The following MEF2C variants were observed in gnomAD, a reference collection of about 807,000 sequenced individuals.
MEF2C encodes myocyte enhancer factor 2C, also known as myocyte-specific enhancer factor 2C.
In MEF2C, 6 loss-of-function variants were observed where a neutral mutation model predicts 50.5. The observed-to-expected ratio is 0.12, with a 90% CI of 0.07 to 0.23. MEF2C has a LOEUF of 0.23. Ranked by LOEUF, MEF2C falls within the 10% of genes least tolerant of loss-of-function variation. The probability of loss-of-function intolerance (pLI) is 1.00; values close to 1 mark genes in which losing one functional copy is unlikely to be tolerated. For missense variants in MEF2C, 276 were observed against 605.0 expected (o/e 0.46, Z 5.70); for synonymous variants, 183 against 228.0 (o/e 0.80, Z 1.78).
rs1401870964 is a variant in MEF2C, at chr5:88,757,311, A to T, written c.402+3874T>A. Among the ~76,000 whole-genome samples, 5 of 152,150 alleles carry T rather than the reference A, an allele frequency of 3.3e-5. No individual in the cohort carries two copies. The East Asian group carries it at 9.6e-4, about 29-fold the overall frequency. Reference sequence around the variant, plus strand: ...ATTTTTAGTTAATGGGCCCTCTTTTATTTAATGTGAGTGATTGAACTGAAT... The same window carrying T: ...ATTTTTAGTTAATGGGCCCTCTTTTTTTTAATGTGAGTGATTGAACTGAAT... On this transcript the variant is annotated intron_variant, in intron 4 of 10. Coordinates refer to ENST00000504921, the MANE Select transcript of MEF2C (RefSeq NM_002397.5).
At chr5:88,761,467 G>A (rs1315413667) in intron 3 of MEF2C, 139 bp from the exon 4 acceptor site, 2 of 1,023,948 alleles carry the variant, frequency 2.0e-6, no homozygotes, top group Non-Finnish European at 2.8e-6. Flanking sequence ...AACCACAGAT[G>A]AAAGCTGAGT....
intron 3 of MEF2C, among the ~76,000 whole-genome samples, chr5:88,784,931 A>G (rs1426411772): frequency 6.6e-6 from 1 of 152,134 alleles, no homozygotes; most frequent in East Asian, 1.9e-4. Context: ...TGCATAAAGG[A>G]ATCACTTGTG....
At chr5:88,872,696 A>C (rs527328508) in intron 1 of MEF2C, among the ~76,000 whole-genome samples, 1 of 152,110 alleles carries the variant, frequency 6.6e-6, no homozygotes, top group Admixed American at 6.6e-5. Context: ...TATCCTAGTA[A>C]ATCCTTAAAA....
chr5:88,752,560 T>C, intron 4 of MEF2C: 1 of 953,396 alleles, frequency 1.0e-6, no homozygotes, highest in Non-Finnish European at 1.2e-6. Context: ...GTTTTAAAAG[T>C]AACTCTAAAG....
At chr5:88,764,288 C>T (rs926612649) in intron 3 of MEF2C, among the ~76,000 whole-genome samples, 1 of 152,194 alleles carries the variant, frequency 6.6e-6, no homozygotes, top group Admixed American at 6.5e-5. Context: ...CATTATCTCT[C>T]ACAAGTCTTC....
intron 4 of MEF2C, among the ~76,000 whole-genome samples, chr5:88,753,536 T>G (rs967404772): frequency 6.6e-6 from 1 of 152,144 alleles, no homozygotes; most frequent in Non-Finnish European, 1.5e-5. Context: ...GTGGTTGGCA[T>G]GTGCCACCAC....
In MEF2C at chr5:88,834,953, ATAT is replaced by A. The variant is rs201012929; in HGVS notation, c.-142-11026_-142-11024del. Among the ~76,000 whole-genome samples the A allele has an allele frequency of 1.1e-3, 173 of 152,318 alleles. 8 individuals carry two copies. The East Asian group carries it at 0.025, about 22-fold the overall frequency. ...TTGTGTAAACTTGCTTCCTTCACTG[ATAT>A]TATATAATTTTATAAAAATTGTAAA... is the stretch of plus-strand genomic sequence containing the variant. On this transcript the variant is annotated intron_variant, in intron 1 of 10. Transcript: ENST00000504921.
intron 3 of MEF2C, among the ~76,000 whole-genome samples, chr5:88,800,847 C>A (rs963662202): frequency 1.3e-5 from 2 of 152,080 alleles, no homozygotes; most frequent in Non-Finnish European, 2.9e-5. Context: ...AAATTTAACA[C>A]ATTTACTAAA....
At chr5:88,859,178 G>A (rs1355402970) in intron 1 of MEF2C, among the ~76,000 whole-genome samples, 1 of 152,124 alleles carries the variant, frequency 6.6e-6, no homozygotes, top group East Asian at 1.9e-4. Context: ...AAAATAACAA[G>A]CATTTAAAAA....
At chr5:88,780,764 A>G in intron 3 of MEF2C, 1 of 985,364 alleles carries the variant, frequency 1.0e-6, no homozygotes, top group Non-Finnish European at 1.2e-6. Flanking sequence ...TCAGAAGAGA[A>G]ACTGGCAGCA....
chr5:88,883,159 G>C lies in MEF2C; in HGVS notation c.-347C>G, dbSNP rs1232904384. ...GCAGCCCGAAGATGTCTGGGTGTAC[G>C]CGTGTGCTCAAGTGTCTGTGACTGC... is the stretch of plus-strand genomic sequence containing the variant. On this transcript the variant is annotated 5_prime_UTR_variant, in exon 1 of 11. Transcript: ENST00000504921. The C allele has an allele frequency of 6.6e-6, 1 of 152,158 alleles. No individual in the cohort carries two copies. Among genetic ancestry groups the C allele is most frequent in the Non-Finnish European group, 1.5e-5 (1 of 67,928 alleles). The allele number at this position is 152,158 out of a possible 1,614,324, so 9.4% of individuals were successfully genotyped here. A position where few individuals can be genotyped will look rare whatever the true frequency, so the allele number is the denominator to read the frequency against.
chr5:88,753,466 G>C (rs1561832785), intron 4 of MEF2C, among the ~76,000 whole-genome samples: 1 of 152,122 alleles, frequency 6.6e-6, no homozygotes, highest in Non-Finnish European at 1.5e-5. Flanking sequence ...TGCCATCTCT[G>C]CTCACTGCAA....
chr5:88,873,375 G>A (rs909332224), intron 1 of MEF2C, among the ~76,000 whole-genome samples: 2 of 151,932 alleles, frequency 1.3e-5, no homozygotes, highest in African/African-American at 4.8e-5. Flanking sequence ...CAATTCTGTC[G>A]CCCATGTGTA....
At chr5:88,738,181 G>A in intron 6 of MEF2C, 4 of 985,214 alleles carry the variant, frequency 4.1e-6, no homozygotes, top group African/African-American at 1.7e-5. Context: ...CTCAATAGAA[G>A]TATTTCCCTA....
intron 1 of MEF2C, among the ~76,000 whole-genome samples, chr5:88,882,558 G>A (rs536173160): frequency 4.7e-4 from 72 of 152,296 alleles, no homozygotes; most frequent in African/African-American, 1.6e-3. Flanking sequence ...TCTTTCCACA[G>A]TGAACTAACT....
chr5:88,722,715 C>G lies in MEF2C; in HGVS notation c.1311G>C (p.Glu437Asp). The change falls in exon 11 of 11, where the codon GAG (glutamate) becomes GAC (aspartate). Residue 437 changes from glutamate to aspartate, a missense_variant. Transcript: ENST00000504921. ...CSSSYDGSDR[E>D]DHRNEFHSPI... ...GGGAGTGGAATTCGTTCCGGTGATC[C>G]TCTCGGTCGCTCCCGTCGTACGAAC... 6.2e-7 allele frequency: 1 copy of G among 1,613,954 alleles called. No homozygotes were observed. Among genetic ancestry groups the G allele is most frequent in the Non-Finnish European group, 8.5e-7 (1 of 1,179,894 alleles).
At chr5:88,776,750 A>G (rs907353928) in intron 3 of MEF2C, among the ~76,000 whole-genome samples, 3 of 152,184 alleles carry the variant, frequency 2.0e-5, no homozygotes, top group African/African-American at 7.2e-5. Flanking sequence ...ACTTCAAGTG[A>G]TCCCTTGCTA....
In MEF2C at chr5:88,756,365, T is replaced by TA. The variant is rs1387492214; in HGVS notation, c.403-4323_403-4322insT. 3.3e-5 allele frequency among the ~76,000 whole-genome samples: 5 copies of TA among 152,326 alleles called. No individual in the cohort carries two copies. In the East Asian group the frequency reaches 9.6e-4, roughly 29 times the overall value. ...TATTATTTCCATCTTTATGTCCATGTGTACCCATTGTTTAGCTCCCACTTC... is the reference window on the plus strand; with the variant it reads ...TATTATTTCCATCTTTATGTCCATGTAGTACCCATTGTTTAGCTCCCACTTC... On this transcript the variant is annotated intron_variant, in intron 4 of 10. Coordinates refer to ENST00000504921, the MANE Select transcript of MEF2C (RefSeq NM_002397.5).
intron 6 of MEF2C, chr5:88,740,288 A>G (rs2152405459): frequency 2.0e-6 from 2 of 978,870 alleles, no homozygotes; most frequent in Non-Finnish European, 2.4e-6. Context: ...CAGTCTGTCA[A>G]TGAGACAATG....
Sources: allele counts gnomAD v4.1 joint callset (sites outside exome capture counted in the v4.1 genomes callset), GRCh38; gene constraint gnomAD v4.1.1; transcripts MANE v1.5; gene names NCBI Gene and HGNC (gene_info 2026-07-23, HGNC 2026-07-21).